The following MYO16 variants were observed in gnomAD, a reference collection of about 807,000 sequenced individuals.
MYO16 encodes the protein myosin XVI, also known as unconventional myosin-XVI.
In MYO16, 94 loss-of-function variants were observed where a neutral mutation model predicts 205.3. The ratio of observed to expected loss-of-function variants is 0.46; its 90% CI spans 0.39 to 0.54. MYO16 has a LOEUF of 0.54. MYO16 is among the 20% of genes least tolerant of loss of function. The probability of loss-of-function intolerance (pLI) is 0.00; values close to 1 mark genes in which losing one functional copy is unlikely to be tolerated. For missense variants in MYO16, 2,315 were observed against 2,387.5 expected (o/e 0.97, Z 0.63); for synonymous variants, 988 against 954.0 (o/e 1.04, Z -0.66).
At chr13:108,549,029 G>A in the MYO16 span, among the ~76,000 whole-genome samples, 1 of 152,146 alleles carries the variant, frequency 6.6e-6, no homozygotes, top group South Asian at 2.1e-4. Flanking sequence ...TGTTCAGATT[G>A]CACTGAACAT....
intron 2 of MYO16, among the ~76,000 whole-genome samples, chr13:108,670,664 A>T (rs1881943678): frequency 6.6e-6 from 1 of 152,236 alleles, no homozygotes; most frequent in Admixed American, 6.5e-5. Flanking sequence ...GAAGGATCAA[A>T]TGTGATTCAA....
chr13:109,101,028 C>A, intron 28 of MYO16, 141 bp downstream of exon 28: 1 of 653,164 alleles, frequency 1.5e-6, no homozygotes. Context: ...TAAGTGTATT[C>A]CCTGGAAATT....
At chr13:108,698,697 A>G (rs1361474100) in intron 2 of MYO16, among the ~76,000 whole-genome samples, 1 of 152,180 alleles carries the variant, frequency 6.6e-6, no homozygotes, top group Non-Finnish European at 1.5e-5. Context: ...TTAACCTGCA[A>G]GTTCTATTTG....
Position 108,694,108 on chromosome 13 carries a change from C to T in MYO16, c.293-18553C>T, listed in dbSNP as rs569429015. On this transcript the variant is annotated intron_variant, in intron 2 of 34. Coordinates refer to ENST00000457511, the MANE Select transcript of MYO16 (RefSeq NM_001198950.3). The stretch of plus-strand genomic sequence containing the variant: ...ACCATATTTTCTCAAACTATTCTAC[C>T]ATTGATGAGCATTTAGGTTGAATCT... 4.6e-5 allele frequency among the ~76,000 whole-genome samples: 7 copies of T among 152,198 alleles called. No homozygotes were observed. The South Asian group carries it at 1.5e-3, about 32-fold the overall frequency.
intron 6 of MYO16, among the ~76,000 whole-genome samples, chr13:108,803,360 A>ATT (rs1887021440): frequency 6.6e-6 from 1 of 152,192 alleles, no homozygotes; most frequent in African/African-American, 2.4e-5. Flanking sequence ...ACTATCTTTT[A>ATT]TTTGGGAAAA....
chr13:108,706,973 C>T lies in MYO16; in HGVS notation c.293-5688C>T, dbSNP rs182866614. Among the ~76,000 whole-genome samples the T allele has an allele frequency of 6.6e-4, 100 of 152,284 alleles. 4 individuals carry two copies. Among genetic ancestry groups the T allele is most frequent in the African/African-American group, 2.3e-3 (94 of 41,560 alleles). ...CAAATTCCCTTGCCAAGGCTGGAACCTAATGCAGCCTTGACTTCATGCCCA... is the reference window on the plus strand; with the variant it reads ...CAAATTCCCTTGCCAAGGCTGGAACTTAATGCAGCCTTGACTTCATGCCCA... On this transcript the variant is annotated intron_variant, in intron 2 of 34. Coordinates refer to ENST00000457511, the MANE Select transcript of MYO16 (RefSeq NM_001198950.3).
chr13:109,066,266 A>C (rs1486630215), intron 27 of MYO16, among the ~76,000 whole-genome samples: 1 of 152,212 alleles, frequency 6.6e-6, no homozygotes, highest in Non-Finnish European at 1.5e-5. Context: ...TGGAGATGCC[A>C]ACTACTGTCA....
At chr13:108,984,213 C>G (rs1884549087) in intron 20 of MYO16, among the ~76,000 whole-genome samples, 1 of 152,156 alleles carries the variant, frequency 6.6e-6, no homozygotes, top group Non-Finnish European at 1.5e-5. Context: ...GTCCTGAGGT[C>G]TTAGGAGAAC....
At chr13:108,710,260 A>G (rs567631033) in intron 2 of MYO16, among the ~76,000 whole-genome samples, 1 of 152,178 alleles carries the variant, frequency 6.6e-6, no homozygotes, top group Non-Finnish European at 1.5e-5. Context: ...AATGCAGTAG[A>G]TTGTATTTAA....
rs1243397137 is a variant in MYO16, at chr13:108,964,888, A to G, written c.2355A>G (p.Gln785=). ...CCATGAATTCTTGCCTCCACAGTCA[A>G]GATGAACAGAAAAGGTAGGAGTTGA... ...VNTMNSCLHS[Q]DEQKSMQTLD... The change falls in exon 20 of 35, where the codon CAA becomes CAG. Residue 785 remains glutamine (Q), a synonymous_variant. Transcript: ENST00000457511. The G allele has an allele frequency of 9.9e-6, 16 of 1,614,054 alleles. No individual in the cohort carries two copies. Among genetic ancestry groups the G allele is most frequent in the Non-Finnish European group, 1.4e-5 (16 of 1,180,008 alleles).
chr13:108,508,139 A>G, the MYO16 span, among the ~76,000 whole-genome samples: 10 of 151,926 alleles, frequency 6.6e-5, no homozygotes, highest in Admixed American at 6.6e-4. Context: ...CATAATTCAT[A>G]GATCTCGACT....
chr13:109,184,956 G>A (rs1053351083), intron 34 of MYO16, among the ~76,000 whole-genome samples: 2 of 152,034 alleles, frequency 1.3e-5, no homozygotes, highest in African/African-American at 4.8e-5. Context: ...ACTTTTTTCA[G>A]TAGAGACGGG....
chr13:109,201,900 C>T (rs1003645078), intron 34 of MYO16, among the ~76,000 whole-genome samples: 1 of 152,068 alleles, frequency 6.6e-6, no homozygotes, highest in African/African-American at 2.4e-5. Flanking sequence ...GTCTCCAATC[C>T]CATCCAGGTT....
At chr13:108,821,856 T>C (rs909371422) in intron 8 of MYO16, among the ~76,000 whole-genome samples, 8 of 152,186 alleles carry the variant, frequency 5.3e-5, no homozygotes, top group African/African-American at 1.9e-4. Flanking sequence ...AGCAACCTAG[T>C]ACCTTATTCA....
chr13:108,521,466 A>AAAGTC, the MYO16 span, among the ~76,000 whole-genome samples: 38 of 152,352 alleles, frequency 2.5e-4, no homozygotes, highest in African/African-American at 8.4e-4. Flanking sequence ...AATTATCTAC[A>AAAGTC]AAGTCTATTT....
At chr13:109,131,049 C>A (rs1418992181) in intron 31 of MYO16, among the ~76,000 whole-genome samples, 1 of 152,026 alleles carries the variant, frequency 6.6e-6, no homozygotes, top group African/African-American at 2.4e-5. Context: ...TAACGTGTCA[C>A]AAAATTATTC....
intron 24 of MYO16, among the ~76,000 whole-genome samples, chr13:109,049,623 A>G (rs1887171201): frequency 6.6e-6 from 1 of 151,384 alleles, no homozygotes; most frequent in African/African-American, 2.4e-5. Flanking sequence ...TAATGTTTTC[A>G]GTTTTATTAG....
the MYO16 span, among the ~76,000 whole-genome samples, chr13:108,552,629 C>T: frequency 1.3e-5 from 2 of 152,164 alleles, no homozygotes; most frequent in Non-Finnish European, 2.9e-5. Context: ...CAAATACATT[C>T]TCAGATGAGT....
Position 109,100,839 on chromosome 13 carries a change from C to A in MYO16, c.3390C>A (p.Ala1130=). The change falls in exon 28 of 35, where the codon GCC becomes GCA. Residue 1130 remains alanine, a synonymous_variant. Transcript: ENST00000457511. ...GTGAGAAGAAGGAACAGTCAGCTGC[C>A]GAGCGATGTCGACTTGTTCTCCAGC... ...FLREKKEQSA[A]ERCRLVLQQC... 6.2e-7 allele frequency: 1 copy of A among 1,613,620 alleles called. No homozygotes were observed. The highest frequency in any genetic ancestry group is 8.5e-7 in the Non-Finnish European group (1 of 1,179,602).
Sources: allele counts gnomAD v4.1 joint callset (sites outside exome capture counted in the v4.1 genomes callset), GRCh38; gene constraint gnomAD v4.1.1; transcripts MANE v1.5; gene names NCBI Gene and HGNC (gene_info 2026-07-23, HGNC 2026-07-21).